ROBO1: variants seen among roughly 807,000 people sequenced by gnomAD.
The protein encoded by ROBO1 is roundabout homolog 1.
ROBO1 carries 149 observed loss-of-function variants against 195.9 expected under a neutral mutation model. That is an observed-to-expected ratio of 0.76 (90% CI 0.67 to 0.87). The LOEUF (loss-of-function observed/expected upper bound fraction) is 0.87, where lower values mean the gene tolerates loss of function less well. Ranked by LOEUF, ROBO1 falls within the 40% of genes least tolerant of loss-of-function variation. The pLI is 0.00. For missense variants in ROBO1, 1,933 were observed against 2,068.3 expected (o/e 0.93, Z 1.27); for synonymous variants, 816 against 733.2 (o/e 1.11, Z -1.82).
At chr3:79,554,003 C>T (rs1337908915) in intron 2 of ROBO1, among the ~76,000 whole-genome samples, 2 of 151,994 alleles carry the variant, frequency 1.3e-5, no homozygotes, top group African/African-American at 2.4e-5. Context: ...TAAATTAATA[C>T]ATTTAATGTC....
At position 78,597,608 on chromosome 3, in the gene ROBO1, G is replaced by T. The variant is rs1352266866; in HGVS notation, c.*1305C>A. On this transcript the variant is annotated 3_prime_UTR_variant, in exon 31 of 31. Coordinates refer to ENST00000464233, the MANE Select transcript of ROBO1 (RefSeq NM_002941.4). ...CATAAAATGACAAAAAAGGATCATA[G>T]AAATCTACTAGTCAGAGGGCATCAT... 1 of 152,202 alleles carries T rather than the reference G, an allele frequency of 6.6e-6. No homozygotes were observed. The highest frequency in any genetic ancestry group is 1.9e-4 in the East Asian group (1 of 5,188). 9.4% of individuals were successfully genotyped at this position (152,202 alleles called of 1,614,324 possible). A position where few individuals can be genotyped will look rare whatever the true frequency, so the allele number is the denominator to read the frequency against.
chr3:78,627,251 C>T, intron 26 of ROBO1, 70 bp downstream of exon 26: 1 of 1,508,022 alleles, frequency 6.6e-7, no homozygotes, highest in South Asian at 1.3e-5. Flanking sequence ...CGTGGGATAG[C>T]ATTTGGTAAC....
chr3:79,284,634 G>A (rs562206565), intron 2 of ROBO1, among the ~76,000 whole-genome samples: 1 of 152,154 alleles, frequency 6.6e-6, no homozygotes. Flanking sequence ...GGAGCATTGA[G>A]AAAAGAATGG....
At chr3:78,636,268 TC>T (rs1391558497) in intron 22 of ROBO1, among the ~76,000 whole-genome samples, 160 bp from the exon 23 acceptor site, 1 of 152,152 alleles carries the variant, frequency 6.6e-6, no homozygotes, top group African/African-American at 2.4e-5. Flanking sequence ...ACATGTGCTT[TC>T]TAAAGAAAAT....
At chr3:79,164,676 T>A (rs1408457403) in intron 2 of ROBO1, among the ~76,000 whole-genome samples, 1 of 152,118 alleles carries the variant, frequency 6.6e-6, no homozygotes, top group African/African-American at 2.4e-5. Context: ...CTGTCCAATC[T>A]CCTCTATTAT....
intron 3 of ROBO1, among the ~76,000 whole-genome samples, chr3:79,005,636 A>C (rs2077602280): frequency 6.6e-6 from 1 of 152,190 alleles, no homozygotes; most frequent in Non-Finnish European, 1.5e-5. Flanking sequence ...TCCAAATGTT[A>C]TTTTAGAAAT....
chr3:78,932,509 C>A (rs2039585096), intron 4 of ROBO1, among the ~76,000 whole-genome samples: 1 of 152,136 alleles, frequency 6.6e-6, no homozygotes, highest in Non-Finnish European at 1.5e-5. Flanking sequence ...TCCAGTAATA[C>A]TGAACACAGT....
chr3:79,520,847 A>T (rs928839997), intron 2 of ROBO1, among the ~76,000 whole-genome samples: 1 of 152,212 alleles, frequency 6.6e-6, no homozygotes, highest in African/African-American at 2.4e-5. Context: ...GCCAAAAAAA[A>T]AAACACTTTT....
intron 2 of ROBO1, among the ~76,000 whole-genome samples, chr3:79,289,534 T>C (rs2032104290): frequency 6.6e-6 from 1 of 152,204 alleles, no homozygotes; most frequent in Admixed American, 6.5e-5. Context: ...CCTCTTGGTA[T>C]TAAGGCACAG....
intron 3 of ROBO1, among the ~76,000 whole-genome samples, chr3:79,120,056 G>T (rs1290697076): frequency 6.6e-6 from 1 of 152,182 alleles, no homozygotes; most frequent in East Asian, 1.9e-4. Context: ...ACAGGTGTGA[G>T]CCACCATGCC....
At chr3:78,885,781 C>A (rs1244256840) in intron 4 of ROBO1, among the ~76,000 whole-genome samples, 3 of 151,066 alleles carry the variant, frequency 2.0e-5, no homozygotes, top group African/African-American at 7.3e-5. Flanking sequence ...ACTTCATCAG[C>A]CTGACTGTAA....
At chr3:78,728,952 T>A (rs1444363022) in intron 5 of ROBO1, among the ~76,000 whole-genome samples, 1 of 152,208 alleles carries the variant, frequency 6.6e-6, no homozygotes, top group African/African-American at 2.4e-5. Flanking sequence ...GCCAGGAGTT[T>A]AAACACACTT....
intron 5 of ROBO1, among the ~76,000 whole-genome samples, chr3:78,724,131 G>T (rs1266287710): frequency 6.6e-6 from 1 of 152,004 alleles, no homozygotes; most frequent in Non-Finnish European, 1.5e-5. Context: ...ACAAAGTAGG[G>T]CAAATGAACT....
chr3:79,299,011 C>T (rs2032743651), intron 2 of ROBO1, among the ~76,000 whole-genome samples: 1 of 152,060 alleles, frequency 6.6e-6, no homozygotes, highest in Admixed American at 6.6e-5. Context: ...ATTGAGAATA[C>T]TTCTATGTTT....
intron 1 of ROBO1, among the ~76,000 whole-genome samples, chr3:79,666,681 G>A (rs1946484829): frequency 6.6e-6 from 1 of 151,650 alleles, no homozygotes; most frequent in Non-Finnish European, 1.5e-5. Context: ...TGCCATGATT[G>A]TGAGGCCTCC....
intron 2 of ROBO1, among the ~76,000 whole-genome samples, chr3:79,132,769 T>TAGATTGGGGAAGTTC (rs2080317750): frequency 2.6e-5 from 1 of 38,722 alleles, no homozygotes; most frequent in Admixed American, 3.9e-4. Context: ...ATGCAGTTTC[T>TAGATTGGGGAAGTTC]TCCTAGTCTC....
chr3:79,251,132 C>T (rs76166792), intron 2 of ROBO1, among the ~76,000 whole-genome samples: 9,559 of 151,948 alleles, frequency 0.063, 370 homozygotes, highest in Middle Eastern at 0.1. Flanking sequence ...AATATGTATA[C>T]CAAAAGTGAT....
chr3:78,712,692 G>A (rs753007480), intron 8 of ROBO1, among the ~76,000 whole-genome samples: 37 of 152,116 alleles, frequency 2.4e-4, no homozygotes, highest in Non-Finnish European at 3.7e-4. Flanking sequence ...AGTAGTTTCT[G>A]GATTTGATCA....
chr3:78,696,974 A>G (rs2081311624), intron 8 of ROBO1, among the ~76,000 whole-genome samples: 1 of 151,822 alleles, frequency 6.6e-6, no homozygotes, highest in African/African-American at 2.4e-5. Flanking sequence ...TGAACGAAAT[A>G]TCCATCTTTT....
Sources: gnomAD v4.1 joint callset for allele counts (sites outside exome capture counted in the v4.1 genomes callset) on GRCh38, gnomAD v4.1.1 for gene constraint, MANE v1.5 for transcripts, NCBI Gene and HGNC (gene_info 2026-07-23, HGNC 2026-07-21) for gene names.